Variants in FMN2 observed in about 807,000 individuals in gnomAD.
FMN2 encodes the protein formin 2, also known as formin-2.
FMN2 carries 51 observed loss-of-function variants against 142.3 expected under a neutral mutation model. The ratio of observed to expected loss-of-function variants is 0.36; its 90% CI spans 0.29 to 0.45. FMN2 has a LOEUF of 0.45. Ranked by LOEUF, FMN2 falls within the 20% of genes least tolerant of loss-of-function variation. The pLI is 1.00. For synonymous variants in FMN2, 882 were observed against 869.8 expected (o/e 1.01, Z -0.25); for missense variants, 1,936 against 2,122.8 (o/e 0.91, Z 1.73).
intron 14 of FMN2, among the ~76,000 whole-genome samples, chr1:240,382,801 A>G (rs1288771969): frequency 1.3e-5 from 2 of 152,156 alleles, no homozygotes; most frequent in Non-Finnish European, 1.5e-5. Flanking sequence ...AGCCTGAATA[A>G]CCAAGTAATC....
chr1:240,452,587 TTTGGA>T (rs1676100273), intron 16 of FMN2, among the ~76,000 whole-genome samples: 1 of 152,186 alleles, frequency 6.6e-6, no homozygotes, highest in African/African-American at 2.4e-5. Flanking sequence ...GGTAAATATT[TTTGGA>T]AAGTGATAAA....
At chr1:240,151,160 G>A (rs950602149) in intron 2 of FMN2, among the ~76,000 whole-genome samples, 1 of 152,090 alleles carries the variant, frequency 6.6e-6, no homozygotes, top group African/African-American at 2.4e-5. Flanking sequence ...GTATATTTGG[G>A]CTCAGTAGAT....
intron 2 of FMN2, among the ~76,000 whole-genome samples, chr1:240,160,761 C>G (rs533142357): frequency 1.3e-5 from 2 of 151,782 alleles, no homozygotes; most frequent in African/African-American, 4.8e-5. Context: ...CCTATATGGT[C>G]TAGAAGATAA....
intron 2 of FMN2, among the ~76,000 whole-genome samples, chr1:240,156,862 TTATAA>T (rs1290680817): frequency 7.9e-5 from 12 of 152,242 alleles, no homozygotes; most frequent in African/African-American, 2.9e-4. Context: ...ATCGCCTGAA[TTATAA>T]TATACAGGAA....
chr1:240,382,979 C>A (rs1415484331), intron 14 of FMN2, among the ~76,000 whole-genome samples: 1 of 152,020 alleles, frequency 6.6e-6, no homozygotes, highest in African/African-American at 2.4e-5. Context: ...ACCAACCAAT[C>A]TTAAACAAAG....
chr1:240,260,719 T>A (rs1274318587), intron 7 of FMN2, among the ~76,000 whole-genome samples: 1 of 152,232 alleles, frequency 6.6e-6, no homozygotes, highest in Admixed American at 6.5e-5. Context: ...TTTACTCTGC[T>A]GACTATTCCT....
intron 7 of FMN2, among the ~76,000 whole-genome samples, chr1:240,291,747 C>CT (rs139379597): frequency 0.15 from 22,011 of 151,620 alleles, 1,774 homozygotes; most frequent in African/African-American, 0.22. Context: ...TTTTGTTTTT[C>CT]TTTTTTTTGG....
intron 6 of FMN2, chr1:240,245,327 G>A (rs944427758): frequency 2.6e-4 from 96 of 365,682 alleles, no homozygotes; most frequent in Admixed American, 1.1e-3. Context: ...TGAGATCCTA[G>A]AGGCAGAATC....
chr1:240,159,330 T>C (rs1451849320), intron 2 of FMN2, among the ~76,000 whole-genome samples: 3 of 152,200 alleles, frequency 2.0e-5, no homozygotes, highest in Non-Finnish European at 4.4e-5. Flanking sequence ...TGACCTTTAG[T>C]AATTTGAGAG....
Position 240,207,652 on chromosome 1 carries a change from C to G in FMN2, c.2840C>G (p.Pro947Arg), listed in dbSNP as rs201741828. The G allele has an allele frequency of 2.9e-4, 412 of 1,402,598 alleles. 27 individuals carry two copies. The highest frequency in any genetic ancestry group is 3.9e-4 in the Non-Finnish European group (401 of 1,025,644). 86.9% of individuals were successfully genotyped at this position (1,402,598 alleles called of 1,614,324 possible). A position where few individuals can be genotyped will look rare whatever the true frequency, so the allele number is the denominator to read the frequency against. The stretch of plus-strand genomic sequence containing the variant: ...GGAGCGGGAATACCTCCTCCGCCCC[C>G]TCTACCCGGAGCGGCAATACCCCCT... ...LPGAGIPPPPPLPGAAIPPPP... is the reference protein window; with the variant it reads ...LPGAGIPPPPRLPGAAIPPPP... The change falls in exon 5 of 18, where the codon CCT becomes CGT. Residue 947 changes from proline to arginine, a missense_variant. Physicochemically the swap from Pro to Arg is moderately radical, Grantham distance 103. Transcript: ENST00000319653.
intron 15 of FMN2, among the ~76,000 whole-genome samples, chr1:240,394,706 G>T (rs1007668737): frequency 7.2e-5 from 11 of 152,166 alleles, no homozygotes; most frequent in Admixed American, 4.6e-4. Flanking sequence ...GGTGGCTCAA[G>T]CCTGTAATCC....
chr1:240,224,374 TG>T (rs2103428835), intron 6 of FMN2, among the ~76,000 whole-genome samples: 1 of 152,218 alleles, frequency 6.6e-6, no homozygotes, highest in African/African-American at 2.4e-5. Context: ...TCCATTCTTT[TG>T]CATTTGCTGA....
chr1:240,144,564 G>A (rs547275948), intron 2 of FMN2: 56 of 1,388,558 alleles, frequency 4.0e-5, no homozygotes, highest in Admixed American at 3.2e-4. Context: ...ATGTCATTGC[G>A]CATCAGTGCC....
intron 1 of FMN2, among the ~76,000 whole-genome samples, chr1:240,120,479 T>C (rs1662190922): frequency 6.6e-6 from 1 of 152,198 alleles, no homozygotes; most frequent in African/African-American, 2.4e-5. Context: ...TATGAATGAA[T>C]CTATCACAGA....
chr1:240,134,846 C>G (rs1662875795), intron 2 of FMN2, among the ~76,000 whole-genome samples: 1 of 152,132 alleles, frequency 6.6e-6, no homozygotes, highest in Admixed American at 6.5e-5. Context: ...ATTCCTTCAC[C>G]AACCCTCATG....
chr1:240,408,218 T>A (rs1437877113), intron 15 of FMN2, among the ~76,000 whole-genome samples: 1 of 152,192 alleles, frequency 6.6e-6, no homozygotes, highest in Non-Finnish European at 1.5e-5. Flanking sequence ...TTGAGGATAT[T>A]GCACGTAAGT....
chr1:240,148,277 C>T (rs61830675), intron 2 of FMN2, among the ~76,000 whole-genome samples: 67 of 102,282 alleles, frequency 6.6e-4, no homozygotes, highest in African/African-American at 2.1e-3. Flanking sequence ...CAGAGATAGA[C>T]AGAGACAGAG....
At chr1:240,096,803 C>T (rs1661214093) in intron 1 of FMN2, among the ~76,000 whole-genome samples, 1 of 152,154 alleles carries the variant, frequency 6.6e-6, no homozygotes, top group Non-Finnish European at 1.5e-5. Context: ...AAAGGGATTT[C>T]TATGGCACAT....
chr1:240,356,912 A>T (rs534350260), intron 14 of FMN2, among the ~76,000 whole-genome samples: 17 of 149,636 alleles, frequency 1.1e-4, no homozygotes, highest in Non-Finnish European at 2.2e-4. Flanking sequence ...ATTGAAACAG[A>T]ACTCTGGTGA....
Sources: allele counts gnomAD v4.1 joint callset (sites outside exome capture counted in the v4.1 genomes callset), GRCh38; gene constraint gnomAD v4.1.1; transcripts MANE v1.5; gene names NCBI Gene and HGNC (gene_info 2026-07-23, HGNC 2026-07-21).